Variants in TBC1D1 observed in about 807,000 individuals in gnomAD.
TBC1D1 encodes TBC1 (tre-2/USP6, BUB2, cdc16) domain family, member 1.
TBC1D1 carries 89 observed loss-of-function variants against 125.6 expected under a neutral mutation model. The observed-to-expected ratio is 0.71, with a 90% CI of 0.60 to 0.85. The LOEUF (loss-of-function observed/expected upper bound fraction) is 0.85. Among genes scored for constraint, TBC1D1 ranks in the 40% least tolerant of loss-of-function variants. The pLI, the probability that TBC1D1 is intolerant of heterozygous loss-of-function variation, is 0.00. For synonymous variants in TBC1D1, 565 were observed against 564.1 expected (o/e 1.00, Z -0.02); for missense variants, 1,377 against 1,469.2 (o/e 0.94, Z 1.03).
Position 38,053,117 on chromosome 4 carries a change from G to A in TBC1D1, c.1911-1082G>A, listed in dbSNP as rs180958473. 169 of 1,514,766 alleles carry A rather than the reference G, an allele frequency of 1.1e-4. No individual in the cohort carries two copies. In the African/African-American group the frequency reaches 1.1e-3, roughly 10 times the overall value. 93.8% of individuals were successfully genotyped at this position (1,514,766 alleles called of 1,614,324 possible). A position where few individuals can be genotyped will look rare whatever the true frequency, so the allele number is the denominator to read the frequency against. On this transcript the variant is annotated intron_variant, in intron 11 of 19. Transcript: ENST00000261439. The stretch of plus-strand genomic sequence containing the variant: ...AACCAAACTCTTAGCATCTCCTACC[G>A]TAATGCCCTGCGGAAAAAACTTCAT...
intron 2 of TBC1D1, among the ~76,000 whole-genome samples, chr4:37,956,613 AT>A (rs1728983290): frequency 6.6e-6 from 1 of 152,162 alleles, no homozygotes; most frequent in African/African-American, 2.4e-5. Context: ...CTCATGTGAT[AT>A]GCTCAGGGAC....
At chr4:38,115,566 CA>C in intron 15 of TBC1D1, 143 bp from the exon 18 acceptor site, 1 of 768,428 alleles carries the variant, frequency 1.3e-6, no homozygotes, top group South Asian at 2.0e-5. Context: ...ACTTCGTTTG[CA>C]GAGGAAGTGG....
At chr4:37,933,535 G>A (rs1222258847) in intron 2 of TBC1D1, among the ~76,000 whole-genome samples, 1 of 151,640 alleles carries the variant, frequency 6.6e-6, no homozygotes, top group East Asian at 1.9e-4. Context: ...ACTGGTACTG[G>A]GTGTGTTTCC....
chr4:38,106,060 T>A (rs1020540221), intron 15 of TBC1D1, among the ~76,000 whole-genome samples: 2 of 152,230 alleles, frequency 1.3e-5, no homozygotes, highest in Non-Finnish European at 2.9e-5. Context: ...GGCTCTTTAT[T>A]GCCTTTTTCC....
intron 14 of TBC1D1, among the ~76,000 whole-genome samples, chr4:38,098,826 G>A (rs1759810371): frequency 6.6e-6 from 1 of 152,088 alleles, no homozygotes; most frequent in Non-Finnish European, 1.5e-5. Context: ...GGATTAAGAG[G>A]CCCTTCCTCA....
intron 2 of TBC1D1, among the ~76,000 whole-genome samples, chr4:37,923,203 A>G (rs1389772927): frequency 1.3e-5 from 2 of 151,852 alleles, no homozygotes; most frequent in Non-Finnish European, 2.9e-5. Flanking sequence ...GAGAACATGC[A>G]GTGTTTGTTT....
intron 8 of TBC1D1, among the ~76,000 whole-genome samples, chr4:38,036,534 C>G (rs1273179563): frequency 6.6e-6 from 1 of 152,148 alleles, no homozygotes; most frequent in Non-Finnish European, 1.5e-5. Context: ...TGAACACTCC[C>G]CACGTACGTG....
intron 2 of TBC1D1, among the ~76,000 whole-genome samples, chr4:37,928,635 A>C (rs1257365801): frequency 6.6e-6 from 1 of 152,160 alleles, no homozygotes; most frequent in Non-Finnish European, 1.5e-5. Flanking sequence ...CTGGACCTTG[A>C]TTTTGCAGCT....
chr4:38,028,838 A>G (rs1001373201), intron 7 of TBC1D1, among the ~76,000 whole-genome samples: 1 of 152,206 alleles, frequency 6.6e-6, no homozygotes, highest in Non-Finnish European at 1.5e-5. Context: ...TGTTTGGTAC[A>G]TGAACTTGAA....
chr4:38,135,082 G>T (rs570670189), intron 19 of TBC1D1, among the ~76,000 whole-genome samples: 1 of 152,292 alleles, frequency 6.6e-6, no homozygotes, highest in South Asian at 2.1e-4. Flanking sequence ...TCATATGTAA[G>T]AATCATGCCT....
intron 4 of TBC1D1, among the ~76,000 whole-genome samples, 184 bp downstream of exon 4, chr4:38,018,627 A>C (rs79713727): frequency 0.037 from 5,596 of 152,240 alleles, 140 homozygotes; most frequent in African/African-American, 0.062. Context: ...TATAATTTTG[A>C]AATTAAGAAA....
chr4:37,897,144 T>C (rs2152212383), intron 1 of TBC1D1, among the ~76,000 whole-genome samples: 1 of 152,346 alleles, frequency 6.6e-6, no homozygotes, highest in African/African-American at 2.4e-5. Flanking sequence ...GGTCAAAGGT[T>C]GAGTGCAAAT....
At chr4:37,958,682 C>T (rs572172434) in intron 2 of TBC1D1, among the ~76,000 whole-genome samples, 2 of 152,200 alleles carry the variant, frequency 1.3e-5, no homozygotes, top group African/African-American at 4.8e-5. Flanking sequence ...ATTTCTGCCC[C>T]AATTCAGAGT....
Position 37,969,026 on chromosome 4 carries a change from A to G in TBC1D1, c.418-45483A>G, listed in dbSNP as rs145123225. ...GGAGCACAGTCTTGCTGTTAGACAC[A>G]GCAACTCATAAAAAGGGAGAGGAAA... is the stretch of plus-strand genomic sequence containing the variant. On this transcript the variant is annotated intron_variant, in intron 2 of 19. Coordinates refer to ENST00000261439, the MANE Select transcript of TBC1D1 (RefSeq NM_015173.4). Among the ~76,000 whole-genome samples the G allele has an allele frequency of 3.7e-3, 558 of 152,324 alleles. 1 individual carries two copies. The highest frequency in any genetic ancestry group is 4.2e-3 in the Non-Finnish European group (285 of 68,032).
At position 38,049,736 on chromosome 4, in the gene TBC1D1, C is replaced by T. The variant is rs760844116; in HGVS notation, c.1748C>T (p.Pro583Leu). 8.1e-6 allele frequency: 13 copies of T among 1,614,026 alleles called. No homozygotes were observed. Among genetic ancestry groups the T allele is most frequent in the East Asian group, 4.5e-5 (2 of 44,870 alleles). ...AGTCATCTCCCAGAAGAGCCAGCTC[C>T]GCTGTCGCCCCAGCAGGCCTTCAGG... Residue 583 changes from proline to leucine, a missense_variant, in exon 11 of 20, where the codon CCG becomes CTG. By Grantham distance (98) the Pro-to-Leu change is moderately conservative. Coordinates refer to ENST00000261439, the MANE Select transcript of TBC1D1 (RefSeq NM_015173.4).
chr4:38,135,824 C>G (rs1488540378), intron 19 of TBC1D1, among the ~76,000 whole-genome samples: 1 of 150,618 alleles, frequency 6.6e-6, no homozygotes, highest in Non-Finnish European at 1.5e-5. Context: ...AAAGTATTTT[C>G]TTTGTTTGAA....
At chr4:38,020,443 A>C in intron 4 of TBC1D1, 148 bp from the exon 5 acceptor site, 1 of 568,486 alleles carries the variant, frequency 1.8e-6, no homozygotes, top group Non-Finnish European at 3.1e-6. Flanking sequence ...GTGCCATTGT[A>C]CTCCAGCCTG....
chr4:38,063,690 G>A (rs1241445081), intron 12 of TBC1D1, among the ~76,000 whole-genome samples: 1 of 151,588 alleles, frequency 6.6e-6, no homozygotes, highest in Non-Finnish European at 1.5e-5. Context: ...GTGCAGTGGT[G>A]CGATCTCGGC....
intron 15 of TBC1D1, among the ~76,000 whole-genome samples, chr4:38,106,424 G>A (rs928603463): frequency 1.3e-5 from 2 of 152,230 alleles, no homozygotes; most frequent in African/African-American, 2.4e-5. Context: ...CAATGCCTTG[G>A]TGGAGCTGGG....
Sources: gnomAD v4.1 joint callset for allele counts (sites outside exome capture counted in the v4.1 genomes callset) on GRCh38, gnomAD v4.1.1 for gene constraint, MANE v1.5 for transcripts, NCBI Gene and HGNC (gene_info 2026-07-23, HGNC 2026-07-21) for gene names.